The following VEZT variants were observed in gnomAD, a reference collection of about 807,000 sequenced individuals.
The protein encoded by VEZT is vezatin, adherens junctions transmembrane protein.
Under a neutral mutation model 79.9 loss-of-function variants are expected in VEZT, and 39 were observed. The ratio of observed to expected loss-of-function variants is 0.49; its 90% confidence interval spans 0.38 to 0.64. The LOEUF (loss-of-function observed/expected upper bound fraction) is 0.64. VEZT is among the 30% of genes least tolerant of loss of function. The pLI is 0.00. For synonymous variants in VEZT, 325 were observed against 327.6 expected (o/e 0.99, Z 0.09); for missense variants, 837 against 893.1 (o/e 0.94, Z 0.80).
chr12:95,240,464 T>C (rs1437659231), intron 1 of VEZT, among the ~76,000 whole-genome samples: 1 of 152,186 alleles, frequency 6.6e-6, no homozygotes, highest in East Asian at 1.9e-4. Context: ...GTTTTTAAAA[T>C]TTAAGGCTCT....
chr12:95,297,739 T>C (rs2074459241), intron 11 of VEZT, among the ~76,000 whole-genome samples: 1 of 152,222 alleles, frequency 6.6e-6, no homozygotes, highest in South Asian at 2.1e-4. Flanking sequence ...TATCCAATTA[T>C]ATTTTCTACT....
intron 9 of VEZT, among the ~76,000 whole-genome samples, chr12:95,289,439 A>G (rs1032378807): frequency 4.0e-5 from 6 of 150,538 alleles, no homozygotes; most frequent in South Asian, 2.1e-4. Context: ...AAAAAAAAAA[A>G]AAAGAAAGAT....
At chr12:95,220,623 AT>A (rs1213659614) in intron 1 of VEZT, among the ~76,000 whole-genome samples, 1 of 151,938 alleles carries the variant, frequency 6.6e-6, no homozygotes, top group Non-Finnish European at 1.5e-5. Context: ...TTCCATTTAT[AT>A]ACTCTCTTAT....
chr12:95,249,383 G>C (rs1372626030), intron 1 of VEZT, among the ~76,000 whole-genome samples: 4 of 152,144 alleles, frequency 2.6e-5, no homozygotes, highest in Admixed American at 1.3e-4. Context: ...CAAGAGCAGG[G>C]TGGGGTTCAC....
intron 3 of VEZT, among the ~76,000 whole-genome samples, chr12:95,261,580 T>C (rs1476771090): frequency 1.3e-5 from 2 of 152,088 alleles, no homozygotes; most frequent in Non-Finnish European, 2.9e-5. Context: ...CCCAGCTAAT[T>C]TTTGTATGTT....
intron 1 of VEZT, among the ~76,000 whole-genome samples, chr12:95,230,935 GTA>G (rs1316057002): frequency 2.0e-5 from 3 of 152,154 alleles, no homozygotes; most frequent in African/African-American, 7.2e-5. Flanking sequence ...AGTCAATAGA[GTA>G]TAAAAGCTGT....
At chr12:95,284,759 C>G (rs2070172194) in intron 8 of VEZT, among the ~76,000 whole-genome samples, 1 of 152,104 alleles carries the variant, frequency 6.6e-6, no homozygotes, top group South Asian at 2.1e-4. Context: ...AATCCCAGCA[C>G]TTTGGGATAT....
chr12:95,270,836 A>T (rs2066446297), intron 6 of VEZT, among the ~76,000 whole-genome samples: 1 of 152,222 alleles, frequency 6.6e-6, no homozygotes, highest in African/African-American at 2.4e-5. Context: ...TAAAATAGGA[A>T]ATTAGTTCTA....
chr12:95,273,025 GAGCCC>G (rs1208571428), intron 6 of VEZT, among the ~76,000 whole-genome samples: 1 of 152,160 alleles, frequency 6.6e-6, no homozygotes, highest in African/African-American at 2.4e-5. Flanking sequence ...ATGAGCCACT[GAGCCC>G]AGCCTCATTT....
chr12:95,258,439 A>G (rs2063816256), intron 3 of VEZT, among the ~76,000 whole-genome samples: 1 of 152,132 alleles, frequency 6.6e-6, no homozygotes. Flanking sequence ...TTGTGCCTAT[A>G]TTATGGAGAA....
In VEZT at chr12:95,282,306, C is replaced by A; in HGVS notation, c.997-7C>A. On this transcript the variant is annotated splice_polypyrimidine_tract_variant and splice_region_variant and intron_variant, in intron 7 of 11. Transcript: ENST00000436874. ...TTGATCTAGTTCTTTTTTCTTTTTT[C>A]TTTAAGGTTTTGTTCCAACTCTGGG... is the stretch of plus-strand genomic sequence containing the variant. The A allele has an allele frequency of 6.4e-7, 1 of 1,570,922 alleles. No individual in the cohort carries two copies. The highest frequency in any genetic ancestry group is 8.6e-7 in the Non-Finnish European group (1 of 1,164,810).
intron 8 of VEZT, 53 bp from the exon 9 acceptor site, chr12:95,287,611 A>C: frequency 1.4e-6 from 2 of 1,389,656 alleles, no homozygotes; most frequent in Middle Eastern, 2.0e-4. Flanking sequence ...GTAAATTATA[A>C]ATTTTTCATT....
At chr12:95,273,464 A>G (rs2067037978) in intron 6 of VEZT, among the ~76,000 whole-genome samples, 1 of 152,228 alleles carries the variant, frequency 6.6e-6, no homozygotes. Context: ...TTGCCTTTGC[A>G]TTTGGATAGT....
rs971296176 is a variant in VEZT, at chr12:95,252,246, T to C, written c.168+175T>C. ...ATGAATCCTTACTGCTTTGGAATAC[T>C]TTGTAGGTAATTTATATCCAGTGAG... On this transcript the variant is annotated intron_variant, in intron 2 of 11. Transcript: ENST00000436874. 7.3e-6 allele frequency: 4 copies of C among 547,416 alleles called. No individual in the cohort carries two copies. In the African/African-American group the frequency reaches 7.8e-5, roughly 11 times the overall value. The allele number at this position is 547,416 out of a possible 1,614,324, so 33.9% of individuals were successfully genotyped here.
chr12:95,292,480 T>G (rs536036339), intron 9 of VEZT, among the ~76,000 whole-genome samples: 5 of 152,188 alleles, frequency 3.3e-5, no homozygotes, highest in Non-Finnish European at 7.3e-5. Flanking sequence ...CAGGCACTTT[T>G]CATGTATTCT....
intron 1 of VEZT, chr12:95,242,043 A>T (rs1472546896): frequency 6.6e-6 from 1 of 152,258 alleles, no homozygotes; most frequent in African/African-American, 2.4e-5. Context: ...TTTTAAAAAT[A>T]AACACAAAAA....
chr12:95,286,044 G>A lies in VEZT; in HGVS notation c.1329-1620G>A, dbSNP rs533931560. 2.8e-4 allele frequency among the ~76,000 whole-genome samples: 38 copies of A among 137,824 alleles called. No homozygotes were observed. In the South Asian group the frequency reaches 8.9e-3, roughly 32 times the overall value. The allele number at this position is 137,824 out of a possible 152,430, so 90.4% of individuals were successfully genotyped here. ...CTGTCACTCTGTTGCCCAGGCTGGA[G>A]TGCAGTGGCATGATCTCGGCTCACT... On this transcript the variant is annotated intron_variant, in intron 8 of 11. Transcript: ENST00000436874.
At chr12:95,260,911 A>G (rs764295079) in intron 3 of VEZT, among the ~76,000 whole-genome samples, 2 of 151,898 alleles carry the variant, frequency 1.3e-5, no homozygotes, top group Non-Finnish European at 2.9e-5. Flanking sequence ...TCCTAATGTT[A>G]GAATCAGAAT....
intron 8 of VEZT, chr12:95,286,628 A>G (rs953981125): frequency 4.1e-5 from 18 of 435,950 alleles, no homozygotes; most frequent in East Asian, 2.8e-4. Flanking sequence ...AAATGCTTCA[A>G]TTAACTCTGG....
Sources: allele counts gnomAD v4.1 joint callset (sites outside exome capture counted in the v4.1 genomes callset), GRCh38; gene constraint gnomAD v4.1.1; transcripts MANE v1.5; gene names NCBI Gene and HGNC (gene_info 2026-07-23, HGNC 2026-07-21).